MAPK4: variants seen among roughly 807,000 people sequenced by gnomAD.
MAPK4 encodes the protein mitogen-activated protein kinase 4.
A neutral mutation model predicts 47.7 loss-of-function variants in MAPK4; 22 were observed. That is an observed-to-expected ratio of 0.46 (90% CI 0.33 to 0.66). MAPK4 has a LOEUF of 0.66. MAPK4 is among the 30% of genes least tolerant of loss of function. The pLI, the probability that MAPK4 is intolerant of heterozygous loss-of-function variation, is 0.02. For synonymous variants in MAPK4, 390 were observed against 365.7 expected (o/e 1.07, Z -0.76); for missense variants, 736 against 831.7 (o/e 0.88, Z 1.42).
intron 1 of MAPK4, among the ~76,000 whole-genome samples, chr18:50,643,268 T>A (rs7230482): frequency 0.31 from 47,039 of 152,150 alleles, 7,750 homozygotes; most frequent in East Asian, 0.48. Flanking sequence ...ATCCCAGCAC[T>A]TTGGGAGGCT....
intron 1 of MAPK4, among the ~76,000 whole-genome samples, chr18:50,588,098 C>G (rs1443361772): frequency 8.4e-6 from 1 of 119,646 alleles, no homozygotes; most frequent in Admixed American, 9.3e-5. Flanking sequence ...AGAGGCATTG[C>G]TAATGTAACA....
At chr18:50,630,872 A>G (rs1362740407) in intron 1 of MAPK4, among the ~76,000 whole-genome samples, 1 of 152,196 alleles carries the variant, frequency 6.6e-6, no homozygotes, top group Admixed American at 6.5e-5. Context: ...TGTCTTTGCA[A>G]CTTTGGTTCA....
chr18:50,662,362 G>A (rs527985814), intron 1 of MAPK4, among the ~76,000 whole-genome samples: 1 of 152,296 alleles, frequency 6.6e-6, no homozygotes, highest in East Asian at 1.9e-4. Flanking sequence ...GCCACCAGAG[G>A]GCAGGGACAG....
At chr18:50,691,648 A>G (rs1484285188) in intron 2 of MAPK4, among the ~76,000 whole-genome samples, 1 of 152,222 alleles carries the variant, frequency 6.6e-6, no homozygotes, top group African/African-American at 2.4e-5. Context: ...TCCAGAACCA[A>G]TCATTCTCAA....
intron 1 of MAPK4, among the ~76,000 whole-genome samples, chr18:50,611,620 C>G (rs1025337992): frequency 1.3e-5 from 2 of 152,214 alleles, no homozygotes; most frequent in East Asian, 1.9e-4. Flanking sequence ...ATCTCTCTGA[C>G]AGTGGGAACA....
chr18:50,730,022 A>G lies in MAPK4; in HGVS notation c.*168A>G, dbSNP rs1911473375. ...TGTCCATTTCTTAAACTGCCTTAAT[A>G]ACTAGCCTTTAACCTGTGGGAGCGG... On this transcript the variant is annotated 3_prime_UTR_variant, in exon 6 of 6. Coordinates refer to ENST00000400384, the MANE Select transcript of MAPK4 (RefSeq NM_002747.4). The G allele has an allele frequency of 1.5e-6, 1 of 681,224 alleles. No homozygotes were observed. The highest frequency in any genetic ancestry group is 2.3e-6 in the Non-Finnish European group (1 of 430,638). 42.2% of individuals were successfully genotyped at this position (681,224 alleles called of 1,614,324 possible). A position where few individuals can be genotyped will look rare whatever the true frequency, so the allele number is the denominator to read the frequency against.
At chr18:50,684,271 G>A (rs539139772) in intron 2 of MAPK4, among the ~76,000 whole-genome samples, 114 of 152,264 alleles carry the variant, frequency 7.5e-4, no homozygotes, top group Middle Eastern at 3.4e-3. Context: ...TTGACCAGGC[G>A]TGATGACTCA....
chr18:50,690,944 A>G (rs898739975), intron 2 of MAPK4, among the ~76,000 whole-genome samples: 1 of 151,902 alleles, frequency 6.6e-6, no homozygotes, highest in African/African-American at 2.4e-5. Context: ...AAGGAACAAA[A>G]GTCTGTCTTA....
chr18:50,627,454 G>A lies in MAPK4; in HGVS notation c.-870-35635G>A, dbSNP rs143128406. On this transcript the variant is annotated intron_variant, in intron 1 of 5. Coordinates refer to ENST00000400384, the MANE Select transcript of MAPK4 (RefSeq NM_002747.4). ...ACCACCAGCTTCAGGGGTGGCCCGA[G>A]CTCTGGAGGAAGGAGAGGCTGCAGC... Among the ~76,000 whole-genome samples the A allele has an allele frequency of 3.0e-3, 451 of 152,288 alleles. 6 individuals are homozygous for A. The East Asian group carries it at 0.046, about 15-fold the overall frequency.
intron 2 of MAPK4, among the ~76,000 whole-genome samples, chr18:50,683,122 C>CTT (rs58523464): frequency 6.7e-6 from 1 of 149,534 alleles, no homozygotes; most frequent in African/African-American, 2.5e-5. Context: ...TGAATATGTT[C>CTT]TTTTTTTTTT....
At position 50,565,689 on chromosome 18, in the gene MAPK4, T is replaced by A. The variant is rs187054533; in HGVS notation, c.-871+5446T>A. ...CTGTATTTTTCCTGTACCTTTTCCA[T>A]GTTTAGACATATTTAGGTGTACAGA... is the stretch of plus-strand genomic sequence containing the variant. On this transcript the variant is annotated intron_variant, in intron 1 of 5. Transcript: ENST00000400384. Among the ~76,000 whole-genome samples the A allele has an allele frequency of 1.1e-3, 162 of 152,308 alleles. 1 individual carries two copies. The highest frequency in any genetic ancestry group is 3.8e-3 in the African/African-American group (157 of 41,580).
At chr18:50,651,876 A>G (rs542394244) in intron 1 of MAPK4, among the ~76,000 whole-genome samples, 1 of 152,318 alleles carries the variant, frequency 6.6e-6, no homozygotes, top group African/African-American at 2.4e-5. Flanking sequence ...CAGTGGTTTC[A>G]CCTCTTCCCG....
intron 1 of MAPK4, among the ~76,000 whole-genome samples, chr18:50,601,725 A>G (rs1425339694): frequency 5.3e-5 from 8 of 152,106 alleles, no homozygotes; most frequent in Admixed American, 5.2e-4. Flanking sequence ...TTTGCTTCCT[A>G]TTGAGACTCT....
At position 50,592,947 on chromosome 18, in the gene MAPK4, C is replaced by T. The variant is rs75386996; in HGVS notation, c.-871+32704C>T. 4.3e-3 allele frequency among the ~76,000 whole-genome samples: 651 copies of T among 152,292 alleles called. 45 individuals are homozygous for T. The East Asian group carries it at 0.11, about 25-fold the overall frequency. ...TTTACCTGTTAACCATAATATAGCA[C>T]CTATTGTGTAGTGGGCACTGGTGTG... is the stretch of plus-strand genomic sequence containing the variant. On this transcript the variant is annotated intron_variant, in intron 1 of 5. Transcript: ENST00000400384.
intron 1 of MAPK4, among the ~76,000 whole-genome samples, chr18:50,567,239 T>C (rs551551169): frequency 4.9e-4 from 75 of 152,292 alleles, no homozygotes; most frequent in African/African-American, 1.5e-3. Context: ...ATCCCTCCCC[T>C]AACCCCCACT....
At chr18:50,620,047 G>T (rs2042718229) in intron 1 of MAPK4, among the ~76,000 whole-genome samples, 1 of 152,244 alleles carries the variant, frequency 6.6e-6, no homozygotes, top group Admixed American at 6.5e-5. Flanking sequence ...CATGCACTTT[G>T]CTTCTGCTGA....
chr18:50,678,696 GCTGCCCCCACA>G lies in MAPK4; in HGVS notation c.546+14195_546+14205del, dbSNP rs1371263791. ...AAAATGAACAGGCCTTGGTCCCACAGCTGCCCCCACACTCTTATTCTTGCTTTCTTCTCTTC... is the reference window on the plus strand; with the variant it reads ...AAAATGAACAGGCCTTGGTCCCACAGCTCTTATTCTTGCTTTCTTCTCTTC... On this transcript the variant is annotated intron_variant, in intron 2 of 5. Coordinates refer to ENST00000400384, the MANE Select transcript of MAPK4 (RefSeq NM_002747.4). This position sits in a 1 kb window ranked among gnomAD's most constrained non-coding sequence, Gnocchi z 4.2. Among the ~76,000 whole-genome samples, 5 of 152,228 alleles carry G rather than the reference GCTGCCCCCACA, an allele frequency of 3.3e-5. No individual in the cohort carries two copies. The highest frequency in any genetic ancestry group is 4.4e-5 in the Non-Finnish European group (3 of 68,030).
chr18:50,611,629 C>T (rs2042634713), intron 1 of MAPK4, among the ~76,000 whole-genome samples: 1 of 152,170 alleles, frequency 6.6e-6, no homozygotes, highest in Non-Finnish European at 1.5e-5. Context: ...ACAGTGGGAA[C>T]ATTGTTCCCT....
At chr18:50,564,244 TA>T (rs1220115487) in intron 1 of MAPK4, among the ~76,000 whole-genome samples, 1 of 152,236 alleles carries the variant, frequency 6.6e-6, no homozygotes, top group Non-Finnish European at 1.5e-5. Context: ...CTTGCTTCCT[TA>T]CCTATATGTG....
Sources: gnomAD v4.1 joint callset for allele counts (sites outside exome capture counted in the v4.1 genomes callset) on GRCh38, gnomAD v4.1.1 for gene constraint, Gnocchi (gnomAD v3.1) non-coding constraint, MANE v1.5 for transcripts, NCBI Gene and HGNC (gene_info 2026-07-23, HGNC 2026-07-21) for gene names.